MIS18A: variants seen among roughly 807,000 people sequenced by gnomAD.
MIS18A encodes protein Mis18-alpha.
MIS18A carries 14 observed loss-of-function variants against 25.0 expected under a neutral mutation model. That is an observed-to-expected ratio of 0.56 (90% CI 0.37 to 0.88). The LOEUF is 0.88. Ranked by LOEUF, MIS18A falls within the 40% of genes least tolerant of loss-of-function variation. MIS18A has a pLI of 0.00. For missense variants in MIS18A, 292 were observed against 290.8 expected, an observed-to-expected ratio of 1.00 and a Z score of -0.03; for synonymous variants, 134 against 118.6, an observed-to-expected ratio of 1.13 and a Z score of -0.84.
chr21:32,208,804 T>C, the MIS18A span, among the ~76,000 whole-genome samples: 988 of 152,282 alleles, frequency 6.5e-3, 20 homozygotes, highest in East Asian at 0.048. Flanking sequence ...CCAAGCCTTA[T>C]TGATAGCAGG....
the MIS18A span, among the ~76,000 whole-genome samples, chr21:32,189,031 G>A: frequency 6.6e-6 from 1 of 152,146 alleles, no homozygotes; most frequent in African/African-American, 2.4e-5. Flanking sequence ...GCTGTCTATA[G>A]GACCCCCTTA....
chr21:32,239,882 T>C, the MIS18A span, among the ~76,000 whole-genome samples: 1 of 152,202 alleles, frequency 6.6e-6, no homozygotes, highest in Non-Finnish European at 1.5e-5. Flanking sequence ...AAATCTTTGG[T>C]GGTTTCAAAG....
chr21:32,191,530 T>C, the MIS18A span, among the ~76,000 whole-genome samples: 1 of 152,114 alleles, frequency 6.6e-6, no homozygotes, highest in Non-Finnish European at 1.5e-5. Flanking sequence ...AGTTCAAGGC[T>C]ACAGTGAGTT....
the MIS18A span, among the ~76,000 whole-genome samples, chr21:32,198,254 A>G: frequency 6.6e-6 from 1 of 152,218 alleles, no homozygotes; most frequent in African/African-American, 2.4e-5. Context: ...GGCAGTGCCA[A>G]AGAGTGAGCT....
chr21:32,246,794 T>C, the MIS18A span, among the ~76,000 whole-genome samples: 3 of 152,144 alleles, frequency 2.0e-5, no homozygotes, highest in East Asian at 1.9e-4. Flanking sequence ...CCCAGCAGTG[T>C]CTGCCAGAGC....
At chr21:32,194,551 C>T in the MIS18A span, among the ~76,000 whole-genome samples, 1 of 151,680 alleles carries the variant, frequency 6.6e-6, no homozygotes, top group Admixed American at 6.6e-5. Flanking sequence ...CCCAGCTACT[C>T]GGGAGGCTGA....
downstream of MIS18A, among the ~76,000 whole-genome samples, chr21:32,267,658 CAG>C (rs1467457477): frequency 6.6e-6 from 1 of 152,146 alleles, no homozygotes; most frequent in East Asian, 1.9e-4. Context: ...CCTGCACAAC[CAG>C]AGAGTCAGCT....
At chr21:32,187,602 G>C in the MIS18A span, among the ~76,000 whole-genome samples, 1 of 152,264 alleles carries the variant, frequency 6.6e-6, no homozygotes, top group African/African-American at 2.4e-5. Context: ...ATGTGTTCTA[G>C]GGATGTTAGT....
the MIS18A span, among the ~76,000 whole-genome samples, chr21:32,196,325 C>T: frequency 1.3e-5 from 2 of 152,212 alleles, no homozygotes; most frequent in Non-Finnish European, 1.5e-5. Context: ...TAGACTGAAA[C>T]TCAGACTGGA....
At chr21:32,251,199 G>A in the MIS18A span, among the ~76,000 whole-genome samples, 4 of 152,032 alleles carry the variant, frequency 2.6e-5, no homozygotes, top group African/African-American at 9.7e-5. Context: ...CTTTATAGCA[G>A]CATGTGAACA....
the MIS18A span, among the ~76,000 whole-genome samples, chr21:32,158,918 C>G: frequency 1.2e-4 from 18 of 152,190 alleles, no homozygotes; most frequent in Admixed American, 1.2e-3. Context: ...CCTTGAACAA[C>G]CCAGTTATTT....
the MIS18A span, among the ~76,000 whole-genome samples, chr21:32,198,973 A>C: frequency 2.0e-5 from 3 of 152,106 alleles, no homozygotes; most frequent in East Asian, 5.8e-4. Flanking sequence ...GCACTGAGTC[A>C]GAACGTGTAT....
At chr21:32,176,304 T>C in the MIS18A span, among the ~76,000 whole-genome samples, 3 of 152,204 alleles carry the variant, frequency 2.0e-5, no homozygotes, top group Non-Finnish European at 4.4e-5. Context: ...CAGCAGCACA[T>C]AGTTCATTGA....
At chr21:32,240,589 T>A in the MIS18A span, among the ~76,000 whole-genome samples, 1 of 152,246 alleles carries the variant, frequency 6.6e-6, no homozygotes. Flanking sequence ...ACTTGGTTTC[T>A]TCTCCATCTA....
chr21:32,269,177 G>C, intron 4 of MIS18A, 60 bp from the exon 5 acceptor site: 1 of 1,205,562 alleles, frequency 8.3e-7, no homozygotes, highest in Non-Finnish European at 1.2e-6. Flanking sequence ...AATTATACAT[G>C]GTTAAATATA....
the MIS18A span, among the ~76,000 whole-genome samples, chr21:32,157,585 A>G: frequency 6.6e-6 from 1 of 152,102 alleles, no homozygotes; most frequent in Non-Finnish European, 1.5e-5. Flanking sequence ...ACAAAGTGGA[A>G]CAATTCCTTT....
At chr21:32,160,812 G>A in the MIS18A span, among the ~76,000 whole-genome samples, 8 of 152,002 alleles carry the variant, frequency 5.3e-5, no homozygotes, top group Non-Finnish European at 1.2e-4. Flanking sequence ...TGTATTTTTA[G>A]TAGAGACAGG....
At chr21:32,221,916 G>A in the MIS18A span, among the ~76,000 whole-genome samples, 1 of 151,870 alleles carries the variant, frequency 6.6e-6, no homozygotes, top group African/African-American at 2.4e-5. Flanking sequence ...GCATCATAAT[G>A]ACAGAATCAA....
the MIS18A span, among the ~76,000 whole-genome samples, chr21:32,238,807 A>G: frequency 6.6e-6 from 1 of 152,212 alleles, no homozygotes; most frequent in South Asian, 2.1e-4. Context: ...GCTGCTGTCA[A>G]GAAGAGGGAG....
Sources: gnomAD v4.1 joint callset for allele counts (sites outside exome capture counted in the v4.1 genomes callset) on GRCh38, gnomAD v4.1.1 for gene constraint, MANE v1.5 for transcripts, NCBI Gene and HGNC (gene_info 2026-07-23, HGNC 2026-07-21) for gene names.